Variants in RAB35 observed in about 807,000 individuals in gnomAD.
The protein encoded by RAB35 is ras-related protein Rab-35.
RAB35 carries 4 observed loss-of-function variants against 28.9 expected under a neutral mutation model. The ratio of observed to expected loss-of-function variants is 0.14; its 90% confidence interval spans 0.07 to 0.32. RAB35 has a LOEUF of 0.32. RAB35 is among the 10% of genes least tolerant of loss of function. RAB35 has a pLI of 1.00. For synonymous variants in RAB35, 99 were observed against 105.1 expected (o/e 0.94, Z 0.35); for missense variants, 128 against 274.0 (o/e 0.47, Z 3.76).
intron 3 of RAB35, 195 bp from the exon 4 acceptor site, chr12:120,099,349 T>TC (rs1352722402): frequency 3.0e-6 from 2 of 673,322 alleles, no homozygotes; most frequent in Non-Finnish European, 4.7e-6. Flanking sequence ...CAGCACTGAC[T>TC]CCCCCTGCCC....
chr12:120,102,583 C>T (rs1875703024), intron 3 of RAB35, among the ~76,000 whole-genome samples: 3 of 152,170 alleles, frequency 2.0e-5, no homozygotes, highest in Non-Finnish European at 4.4e-5. Context: ...ACAAGCCCTC[C>T]GCCTTGGCTC....
chr12:120,114,413 T>C (rs569972415), intron 1 of RAB35, among the ~76,000 whole-genome samples: 11 of 152,338 alleles, frequency 7.2e-5, no homozygotes, highest in Admixed American at 6.5e-4. Flanking sequence ...GTTTCCTTAT[T>C]TGACAAATCA....
intron 5 of RAB35, among the ~76,000 whole-genome samples, chr12:120,098,166 G>A (rs1434943228): frequency 2.0e-5 from 3 of 152,234 alleles, no homozygotes; most frequent in Non-Finnish European, 2.9e-5. Flanking sequence ...TTACAGGCGT[G>A]AGCCGGCGCG....
chr12:120,106,556 C>T (rs549352694), intron 2 of RAB35, among the ~76,000 whole-genome samples: 1 of 151,862 alleles, frequency 6.6e-6, no homozygotes, highest in Admixed American at 6.6e-5. Context: ...CACTTCTCCA[C>T]CAAGAGACAT....
At chr12:120,099,507 T>C (rs1417501883) in intron 3 of RAB35, 1 of 324,452 alleles carries the variant, frequency 3.1e-6, no homozygotes, top group Non-Finnish European at 5.8e-6. Context: ...GTTTTTGTAT[T>C]TGACATCATG....
rs902968161 is a variant in RAB35, at chr12:120,096,365, T to C, written c.*880A>G. On this transcript the variant is annotated 3_prime_UTR_variant, in exon 6 of 6. Transcript: ENST00000229340. ...CCAATCAAACCTCAGGGAAAGAAAA[T>C]AATTGTGAGGAATTTAATTCACTTG... 31 of 1,206,236 alleles carry C rather than the reference T, an allele frequency of 2.6e-5. No individual in the cohort carries two copies. Among genetic ancestry groups the C allele is most frequent in the Admixed American group, 1.4e-4 (5 of 36,726 alleles). The allele number at this position is 1,206,236 out of a possible 1,614,324, so 74.7% of individuals were successfully genotyped here. A position where few individuals can be genotyped will look rare whatever the true frequency, so the allele number is the denominator to read the frequency against.
At chr12:120,116,114 A>G (rs987508548) in intron 1 of RAB35, among the ~76,000 whole-genome samples, 3 of 152,208 alleles carry the variant, frequency 2.0e-5, no homozygotes, top group Non-Finnish European at 4.4e-5. Context: ...ACTGATGATA[A>G]TGACAATAGT....
intron 1 of RAB35, 111 bp downstream of exon 1, chr12:120,116,488 C>T: frequency 4.3e-6 from 3 of 699,784 alleles, no homozygotes; most frequent in Non-Finnish European, 5.2e-6. Context: ...CGGGCTGCCC[C>T]GCCCGCCCGC....
chr12:120,097,820 TCA>T (rs1875485916), intron 5 of RAB35, among the ~76,000 whole-genome samples: 1 of 151,278 alleles, frequency 6.6e-6, no homozygotes, highest in African/African-American at 2.4e-5. Flanking sequence ...GAAGTCAATC[TCA>T]CAGGGGTTTT....
rs766404373 is a variant in RAB35 at position 120,097,201 on chromosome 12, G to T, written c.*44C>A. 1.2e-6 allele frequency: 2 copies of T among 1,613,792 alleles called. No homozygotes were observed. The stretch of plus-strand genomic sequence containing the variant: ...GAGGAACCTCCGTGGGCCTCGGGCT[G>T]GGGGAGGGACCGCAGTGCAGTCTCT... On this transcript the variant is annotated 3_prime_UTR_variant, in exon 6 of 6. Coordinates refer to ENST00000229340, the MANE Select transcript of RAB35 (RefSeq NM_006861.7).
Position 120,096,980 on chromosome 12 carries a change from C to T in RAB35, c.*265G>A, listed in dbSNP as rs1461409756. The T allele has an allele frequency of 8.8e-6, 13 of 1,469,294 alleles. No homozygotes were observed. Among genetic ancestry groups the T allele is most frequent in the Middle Eastern group, 1.8e-4 (1 of 5,712 alleles). The allele number at this position is 1,469,294 out of a possible 1,614,324, so 91.0% of individuals were successfully genotyped here. On this transcript the variant is annotated 3_prime_UTR_variant, in exon 6 of 6. Coordinates refer to ENST00000229340, the MANE Select transcript of RAB35 (RefSeq NM_006861.7). ...TATGTACAGACTCTGCGAATCAGTC[C>T]GCTCGGCGGGCAGCGTCCTCGCCAG...
chr12:120,111,300 C>G (rs996706928), intron 1 of RAB35, among the ~76,000 whole-genome samples: 1 of 152,182 alleles, frequency 6.6e-6, no homozygotes, highest in African/African-American at 2.4e-5. Flanking sequence ...TAAAACAGCT[C>G]TCTCTGCAAT....
rs1292727005 is a variant in RAB35, at chr12:120,095,405, C to A, written c.*1840G>T. 6.6e-6 allele frequency: 1 copy of A among 152,402 alleles called. No homozygotes were observed. The highest frequency in any genetic ancestry group is 1.5e-5 in the Non-Finnish European group (1 of 67,996). The allele number at this position is 152,402 out of a possible 1,614,324, so 9.4% of individuals were successfully genotyped here. A position where few individuals can be genotyped will look rare whatever the true frequency, so the allele number is the denominator to read the frequency against. On this transcript the variant is annotated 3_prime_UTR_variant, in exon 6 of 6. Coordinates refer to ENST00000229340, the MANE Select transcript of RAB35 (RefSeq NM_006861.7). ...GGGCTGGAAGCCCCCAGGAACCCCC[C>A]TCTTATTGCTTGAATTTGCAAGCAC...
intron 2 of RAB35, 121 bp from the exon 3 acceptor site, chr12:120,104,070 A>G: frequency 7.4e-7 from 1 of 1,353,766 alleles, no homozygotes; most frequent in Non-Finnish European, 9.9e-7. Flanking sequence ...TGTGCCTGGT[A>G]CATTCTAGGT....
At chr12:120,115,912 C>A (rs555040784) in intron 1 of RAB35, among the ~76,000 whole-genome samples, 7 of 152,196 alleles carry the variant, frequency 4.6e-5, no homozygotes, top group Admixed American at 4.6e-4. Flanking sequence ...TAAGGCAGAT[C>A]CAACTATCAT....
Position 120,099,217 on chromosome 12 carries a change from C to A in RAB35, c.228-63G>T, listed in dbSNP as rs890752257. 2.4e-5 allele frequency: 38 copies of A among 1,602,214 alleles called. 1 individual carries two copies. Among genetic ancestry groups the A allele is most frequent in the Non-Finnish European group, 3.1e-5 (36 of 1,173,884 alleles). On this transcript the variant is annotated intron_variant, in intron 3 of 5. Transcript: ENST00000229340. ...ACAGGAGTCACCCCCTTGCCGGGAC[C>A]CACCTGCCCACGTCAGGACACTGAC...
chr12:120,111,084 A>G (rs926206244), intron 1 of RAB35, among the ~76,000 whole-genome samples: 2 of 152,208 alleles, frequency 1.3e-5, no homozygotes, highest in Non-Finnish European at 2.9e-5. Context: ...GTGCATTCAC[A>G]GTGCTGTAAG....
intron 2 of RAB35, among the ~76,000 whole-genome samples, chr12:120,107,557 C>T (rs538257540): frequency 6.6e-6 from 1 of 152,194 alleles, no homozygotes; most frequent in Admixed American, 6.5e-5. Flanking sequence ...CCCACTTCTA[C>T]AGAAACACGT....
At chr12:120,115,882 T>A (rs1252431060) in intron 1 of RAB35, among the ~76,000 whole-genome samples, 3 of 152,330 alleles carry the variant, frequency 2.0e-5, no homozygotes, top group South Asian at 2.1e-4. Flanking sequence ...GAATCTCACT[T>A]AATACTCACA....
Sources: gnomAD v4.1 joint callset for allele counts (sites outside exome capture counted in the v4.1 genomes callset) on GRCh38, gnomAD v4.1.1 for gene constraint, MANE v1.5 for transcripts, NCBI Gene and HGNC (gene_info 2026-07-23, HGNC 2026-07-21) for gene names.